The following PKNOX2 variants were observed in gnomAD, a reference collection of about 807,000 sequenced individuals.
PKNOX2 encodes the protein homeobox protein PKNOX2.
In PKNOX2, 14 loss-of-function variants were observed where a neutral mutation model predicts 53.1. The observed-to-expected ratio is 0.26, with a 90% CI of 0.17 to 0.41. The LOEUF is 0.41. PKNOX2 is among the 10% of genes least tolerant of loss of function. The pLI, the probability that PKNOX2 is intolerant of heterozygous loss-of-function variation, is 1.00. For synonymous variants in PKNOX2, 257 were observed against 242.8 expected, an observed-to-expected ratio of 1.06 and a Z score of -0.54; for missense variants, 496 against 602.8, an observed-to-expected ratio of 0.82 and a Z score of 1.85.
intron 6 of PKNOX2, among the ~76,000 whole-genome samples, chr11:125,394,455 T>G (rs1455626480): frequency 6.6e-6 from 1 of 152,236 alleles, no homozygotes; most frequent in East Asian, 1.9e-4. Context: ...CTTGGTCTAA[T>G]TTAGTACTCC....
chr11:125,277,013 C>T (rs994680977), intron 2 of PKNOX2, among the ~76,000 whole-genome samples: 3 of 152,040 alleles, frequency 2.0e-5, no homozygotes, highest in Non-Finnish European at 4.4e-5. Flanking sequence ...GGGAAGTGAA[C>T]ACATGCAGGG....
chr11:125,321,331 A>T (rs1949505658), intron 2 of PKNOX2, among the ~76,000 whole-genome samples: 2 of 152,250 alleles, frequency 1.3e-5, no homozygotes, highest in African/African-American at 4.8e-5. Flanking sequence ...GACCAACCAC[A>T]GATACGAAAA....
Position 125,412,686 on chromosome 11 carries a change from C to T in PKNOX2, c.936+821C>T, listed in dbSNP as rs374891748. On this transcript the variant is annotated intron_variant, in intron 10 of 12. Coordinates refer to ENST00000298282, the MANE Select transcript of PKNOX2 (RefSeq NM_001382323.2). ...GGGAGGTAGATGCTGTGACCACGGG[C>T]GGGCTTCCATTAGTCTGCGAGCTCC... Among the ~76,000 whole-genome samples, 72 of 152,116 alleles carry T rather than the reference C, an allele frequency of 4.7e-4. No individual in the cohort carries two copies. The South Asian group carries it at 6.2e-3, about 13-fold the overall frequency.
At chr11:125,358,315 G>C (rs947150582) in intron 4 of PKNOX2, among the ~76,000 whole-genome samples, 5 of 152,180 alleles carry the variant, frequency 3.3e-5, no homozygotes, top group African/African-American at 9.7e-5. Flanking sequence ...AGGACCTATT[G>C]GAAATCACTG....
At chr11:125,309,126 T>TCTTCCTTCCTTCCTTCCTTC (rs1472239897) in intron 2 of PKNOX2, among the ~76,000 whole-genome samples, 15 of 148,098 alleles carry the variant, frequency 1.0e-4, no homozygotes, top group African/African-American at 3.6e-4. Context: ...CACAATTACC[T>TCTTCCTTCCTTCCTTCCTTC]CTTCCTTTCT....
chr11:125,367,019 G>A (rs928751617), intron 4 of PKNOX2, among the ~76,000 whole-genome samples: 1 of 152,152 alleles, frequency 6.6e-6, no homozygotes, highest in Non-Finnish European at 1.5e-5. Flanking sequence ...TGATGTAAGA[G>A]AACAGTTGAG....
intron 2 of PKNOX2, among the ~76,000 whole-genome samples, chr11:125,312,311 A>C (rs886215488): frequency 2.0e-5 from 3 of 152,234 alleles, no homozygotes; most frequent in African/African-American, 7.2e-5. Context: ...CACTATCAAA[A>C]AAATGCCTGG....
intron 1 of PKNOX2, among the ~76,000 whole-genome samples, chr11:125,232,411 T>C (rs1327278358): frequency 2.0e-5 from 3 of 152,240 alleles, no homozygotes; most frequent in Admixed American, 6.5e-5. Context: ...TATTAAGTCA[T>C]TCATCCTCAC....
At chr11:125,372,835 A>G (rs537347468) in intron 5 of PKNOX2, among the ~76,000 whole-genome samples, 6 of 152,340 alleles carry the variant, frequency 3.9e-5, no homozygotes, top group South Asian at 4.2e-4. Flanking sequence ...TCTCCCACAC[A>G]TCACAAGCTC....
intron 10 of PKNOX2, among the ~76,000 whole-genome samples, chr11:125,419,791 G>A (rs1315199775): frequency 2.0e-5 from 3 of 151,374 alleles, no homozygotes; most frequent in Admixed American, 1.3e-4. Flanking sequence ...AGCACTTTAG[G>A]AGGCCAAGGC....
chr11:125,254,797 G>A (rs546372096), intron 2 of PKNOX2, among the ~76,000 whole-genome samples: 5 of 150,966 alleles, frequency 3.3e-5, no homozygotes, highest in Non-Finnish European at 5.9e-5. Context: ...CATTGATGAC[G>A]GTGTCCAGGT....
intron 2 of PKNOX2, among the ~76,000 whole-genome samples, chr11:125,257,416 C>T (rs1276006266): frequency 6.6e-6 from 1 of 152,188 alleles, no homozygotes; most frequent in Non-Finnish European, 1.5e-5. Context: ...AGTGCAGGGG[C>T]TGGCCAGTGA....
At chr11:125,429,853 C>T (rs975906588) in intron 11 of PKNOX2, 110 bp from the exon 12 acceptor site, 18 of 1,268,442 alleles carry the variant, frequency 1.4e-5, no homozygotes, top group Non-Finnish European at 1.7e-5. Context: ...GGGATGGGAA[C>T]CCCGGTCTGC....
chr11:125,221,163 C>A lies in PKNOX2; in HGVS notation c.-200-13882C>A, dbSNP rs185729364. On this transcript the variant is annotated intron_variant, in intron 1 of 12. Transcript: ENST00000298282. ...GAGTGAGACTCTGTCTAAAAAAAAACAAAACAAAAATTGTCACCATCTAAT... is the reference window on the plus strand; with the variant it reads ...GAGTGAGACTCTGTCTAAAAAAAAAAAAAACAAAAATTGTCACCATCTAAT... 8.2e-3 allele frequency among the ~76,000 whole-genome samples: 1,235 copies of A among 151,072 alleles called. 20 individuals carry two copies. Among genetic ancestry groups the A allele is most frequent in the African/African-American group, 0.029 (1,167 of 40,594 alleles).
At chr11:125,399,459 T>C (rs942866203) in intron 7 of PKNOX2, among the ~76,000 whole-genome samples, 2 of 152,168 alleles carry the variant, frequency 1.3e-5, no homozygotes, top group African/African-American at 4.8e-5. Flanking sequence ...GCAGTCCCGG[T>C]GATGGGAGAG....
intron 4 of PKNOX2, among the ~76,000 whole-genome samples, chr11:125,360,849 T>C (rs1951885485): frequency 6.6e-6 from 1 of 152,162 alleles, no homozygotes; most frequent in South Asian, 2.1e-4. Flanking sequence ...GTACCTTGAG[T>C]ATAATTATTC....
At chr11:125,339,157 C>T (rs1437241639) in intron 3 of PKNOX2, among the ~76,000 whole-genome samples, 1 of 152,146 alleles carries the variant, frequency 6.6e-6, no homozygotes, top group East Asian at 1.9e-4. Flanking sequence ...GAGAACAACC[C>T]GAGCCAGTGG....
chr11:125,426,519 C>T (rs754769910), intron 10 of PKNOX2, among the ~76,000 whole-genome samples: 14 of 152,106 alleles, frequency 9.2e-5, no homozygotes, highest in Middle Eastern at 3.2e-3. Context: ...GCTCAAGAAA[C>T]AAGTCTGCGT....
intron 2 of PKNOX2, among the ~76,000 whole-genome samples, chr11:125,312,927 T>A (rs1179284417): frequency 6.6e-6 from 1 of 152,114 alleles, no homozygotes; most frequent in Non-Finnish European, 1.5e-5. Context: ...GAAAACAGCA[T>A]TTAAAGATGA....
Sources: allele counts gnomAD v4.1 joint callset (sites outside exome capture counted in the v4.1 genomes callset), GRCh38; gene constraint gnomAD v4.1.1; transcripts MANE v1.5; gene names NCBI Gene and HGNC (gene_info 2026-07-23, HGNC 2026-07-21).